ARHGAP8: variants seen among roughly 807,000 people sequenced by gnomAD.
The protein encoded by ARHGAP8 is rho GTPase-activating protein 8.
Under a neutral mutation model 46.1 loss-of-function variants are expected in ARHGAP8, and 62 were observed. The ratio of observed to expected loss-of-function variants is 1.34; its 90% CI spans 1.10 to 1.66. The LOEUF (loss-of-function observed/expected upper bound fraction) is 1.66, where lower values mean the gene tolerates loss of function less well. ARHGAP8 is among the 40% of genes most tolerant of loss of function. The pLI is 0.00. For synonymous variants in ARHGAP8, 375 were observed against 243.1 expected (o/e 1.54, Z -5.05); for missense variants, 923 against 568.4 (o/e 1.62, Z -6.34).
intron 1 of ARHGAP8, among the ~76,000 whole-genome samples, chr22:44,767,716 TAAA>T (rs1199645061): frequency 6.6e-6 from 1 of 151,136 alleles, no homozygotes; most frequent in African/African-American, 2.4e-5. Context: ...TTACTAAAAA[TAAA>T]AAAATTAGCC....
intron 2 of ARHGAP8, among the ~76,000 whole-genome samples, chr22:44,787,171 G>A (rs540788291): frequency 1.1e-3 from 167 of 152,280 alleles, no homozygotes; most frequent in Non-Finnish European, 1.9e-3. Flanking sequence ...GTCCTGCTAG[G>A]CTTTAAAGAG....
chr22:44,860,077 C>T (rs547214730), intron 11 of ARHGAP8, among the ~76,000 whole-genome samples: 1 of 152,184 alleles, frequency 6.6e-6, no homozygotes, highest in Non-Finnish European at 1.5e-5. Flanking sequence ...CCTGCTGTCC[C>T]TCAGCCATTG....
rs1927248216 is a variant in ARHGAP8 at position 44,786,514 on chromosome 22, C to T, written c.-14C>T. 1.9e-6 allele frequency: 3 copies of T among 1,613,530 alleles called. No individual in the cohort carries two copies. Among genetic ancestry groups the T allele is most frequent in the Non-Finnish European group, 2.5e-6 (3 of 1,179,828 alleles). On this transcript the variant is annotated 5_prime_UTR_variant, in exon 2 of 12. Transcript: ENST00000356099. The stretch of plus-strand genomic sequence containing the variant: ...GTGCTGGGTGCAGTGAGGAAGAGGC[C>T]CTCGGTGGTGCCCATGGCTGGCCAG...
intron 6 of ARHGAP8, among the ~76,000 whole-genome samples, chr22:44,823,683 G>A (rs1930313247): frequency 6.6e-6 from 1 of 152,174 alleles, no homozygotes; most frequent in South Asian, 2.1e-4. Context: ...AGATGTATTT[G>A]TAGCAGCTCT....
At chr22:44,757,519 C>T (rs568947049) in intron 1 of ARHGAP8, among the ~76,000 whole-genome samples, 90 of 152,200 alleles carry the variant, frequency 5.9e-4, no homozygotes, top group African/African-American at 2.0e-3. Flanking sequence ...TCAGGTGATC[C>T]GCCCGCCTTG....
intron 1 of ARHGAP8, among the ~76,000 whole-genome samples, chr22:44,762,421 A>G (rs1422614375): frequency 2.7e-5 from 4 of 149,378 alleles, no homozygotes; most frequent in East Asian, 2.0e-4. Flanking sequence ...GGGCAACAGC[A>G]TGAGACCCCA....
chr22:44,773,532 C>G (rs897303582), intron 1 of ARHGAP8, among the ~76,000 whole-genome samples: 6 of 152,130 alleles, frequency 3.9e-5, no homozygotes, highest in African/African-American at 1.4e-4. Context: ...TTTTATGACA[C>G]CAGGATGGTA....
chr22:44,763,794 T>C (rs1925329547), intron 1 of ARHGAP8, among the ~76,000 whole-genome samples: 1 of 129,040 alleles, frequency 7.7e-6, no homozygotes, highest in Non-Finnish European at 1.6e-5. Flanking sequence ...TGATTTTCTT[T>C]TTCTTTTCTT....
intron 3 of ARHGAP8, among the ~76,000 whole-genome samples, chr22:44,802,623 G>A (rs548964925): frequency 6.6e-6 from 1 of 152,270 alleles, no homozygotes. Flanking sequence ...AACTTAAAAT[G>A]CTCTGAGTGG....
At chr22:44,790,444 G>A (rs781071976) in intron 2 of ARHGAP8, among the ~76,000 whole-genome samples, 4 of 151,934 alleles carry the variant, frequency 2.6e-5, no homozygotes, top group Admixed American at 6.6e-5. Flanking sequence ...AGAAGCCCAA[G>A]GAAGGCGGGT....
intron 6 of ARHGAP8, among the ~76,000 whole-genome samples, chr22:44,824,829 C>T (rs777393308): frequency 5.3e-5 from 8 of 151,878 alleles, no homozygotes; most frequent in Non-Finnish European, 8.8e-5. Context: ...GATGGGGTTT[C>T]ATCATGTTGG....
At chr22:44,846,360 G>A (rs2269541) in intron 8 of ARHGAP8, among the ~76,000 whole-genome samples, 13,469 of 152,288 alleles carry the variant, frequency 0.088, 769 homozygotes, top group East Asian at 0.29. Context: ...GCGGGGCCTG[G>A]AGAGCCCCTC....
At chr22:44,779,076 G>A (rs1192993137) in intron 1 of ARHGAP8, among the ~76,000 whole-genome samples, 1 of 149,368 alleles carries the variant, frequency 6.7e-6, no homozygotes, top group Non-Finnish European at 1.5e-5. Context: ...ATTGCACAGT[G>A]ACTGACTTTT....
At chr22:44,842,674 CT>C (rs1296417273) in intron 7 of ARHGAP8, among the ~76,000 whole-genome samples, 1 of 152,148 alleles carries the variant, frequency 6.6e-6, no homozygotes, top group African/African-American at 2.4e-5. Flanking sequence ...CCAGCTGGCA[CT>C]GGCAGGCAGG....
At chr22:44,860,723 A>C (rs1415343639) in intron 11 of ARHGAP8, among the ~76,000 whole-genome samples, 2 of 151,516 alleles carry the variant, frequency 1.3e-5, no homozygotes, top group African/African-American at 4.9e-5. Context: ...CCCCTGGGGC[A>C]GGGATCCATT....
At chr22:44,800,143 G>C (rs904580293) in intron 2 of ARHGAP8, among the ~76,000 whole-genome samples, 14 of 87,854 alleles carry the variant, frequency 1.6e-4, no homozygotes, top group Non-Finnish European at 3.0e-4. Context: ...TTGCTCTGTT[G>C]TCCATGCTGG....
At chr22:44,761,002 A>G (rs1569131488) in intron 1 of ARHGAP8, among the ~76,000 whole-genome samples, 4 of 152,136 alleles carry the variant, frequency 2.6e-5, no homozygotes, top group Admixed American at 2.0e-4. Context: ...TCTGAAGCCC[A>G]CTGGCCAGGA....
chr22:44,816,940 C>T (rs1440580423), intron 5 of ARHGAP8, among the ~76,000 whole-genome samples: 2 of 141,140 alleles, frequency 1.4e-5, no homozygotes, highest in Non-Finnish European at 3.0e-5. Flanking sequence ...GGCTGGAGTG[C>T]AATGGCGCCA....
chr22:44,801,997 A>G (rs911306116), intron 2 of ARHGAP8, 80 bp from the exon 3 acceptor site: 9 of 1,573,948 alleles, frequency 5.7e-6, no homozygotes, highest in Non-Finnish European at 7.8e-6. Flanking sequence ...GGACTGGCCA[A>G]GGAGGCTGCT....
Sources: allele counts gnomAD v4.1 joint callset (sites outside exome capture counted in the v4.1 genomes callset), GRCh38; gene constraint gnomAD v4.1.1; transcripts MANE v1.5; gene names NCBI Gene and HGNC (gene_info 2026-07-23, HGNC 2026-07-21).